The following ANO4 variants were observed in gnomAD, a reference collection of about 807,000 sequenced individuals.
The protein encoded by ANO4 is anoctamin-4.
ANO4 carries 69 observed loss-of-function variants against 141.9 expected under a neutral mutation model. That is an observed-to-expected ratio of 0.49 (90% CI 0.40 to 0.59). ANO4 has a LOEUF of 0.59. Among genes scored for constraint, ANO4 ranks in the 20% least tolerant of loss-of-function variants. ANO4 has a pLI of 0.00. For missense variants in ANO4, 894 were observed against 1,162.2 expected (o/e 0.77, Z 3.36); for synonymous variants, 350 against 394.3 (o/e 0.89, Z 1.33).
At chr12:101,014,768 AG>A (rs1315820697) in intron 8 of ANO4, among the ~76,000 whole-genome samples, 2 of 152,152 alleles carry the variant, frequency 1.3e-5, no homozygotes, top group Non-Finnish European at 2.9e-5. Flanking sequence ...ACCGAATTTC[AG>A]GGGGAATGTG....
At chr12:101,014,771 G>C (rs956033665) in intron 8 of ANO4, among the ~76,000 whole-genome samples, 3 of 152,108 alleles carry the variant, frequency 2.0e-5, no homozygotes, top group African/African-American at 7.2e-5. Flanking sequence ...GAATTTCAGG[G>C]GGAATGTGAG....
intron 7 of ANO4, among the ~76,000 whole-genome samples, chr12:100,980,846 A>C (rs1010099447): frequency 2.0e-5 from 3 of 151,960 alleles, no homozygotes; most frequent in Non-Finnish European, 4.4e-5. Context: ...GCCATTATAA[A>C]TTGCCTATCC....
intron 1 of ANO4, among the ~76,000 whole-genome samples, chr12:100,725,771 C>T (rs886164446): frequency 1.2e-4 from 18 of 152,152 alleles, no homozygotes; most frequent in African/African-American, 3.6e-4. Context: ...CAGAGTGAAA[C>T]GGATGACATG....
At chr12:100,914,926 C>T (rs987187235) in intron 2 of ANO4, among the ~76,000 whole-genome samples, 6 of 152,118 alleles carry the variant, frequency 3.9e-5, no homozygotes, top group Admixed American at 1.3e-4. Flanking sequence ...GTGATCCTTC[C>T]GCTTTAGTCT....
At chr12:100,822,510 G>T (rs931580910) in intron 1 of ANO4, among the ~76,000 whole-genome samples, 2 of 152,010 alleles carry the variant, frequency 1.3e-5, no homozygotes, top group Middle Eastern at 3.2e-3. Context: ...TGGTGGAAGA[G>T]AGAAAGCTGT....
chr12:101,067,684 C>G (rs1189041957), intron 14 of ANO4, among the ~76,000 whole-genome samples: 1 of 151,820 alleles, frequency 6.6e-6, no homozygotes, highest in Non-Finnish European at 1.5e-5. Flanking sequence ...CTCTGTCTCC[C>G]AAAAACAAAA....
intron 15 of ANO4, among the ~76,000 whole-genome samples, chr12:101,081,022 A>AGTAT (rs2049254518): frequency 7.1e-6 from 1 of 141,244 alleles, no homozygotes; most frequent in Admixed American, 7.2e-5. Flanking sequence ...TATGTATGTG[A>AGTAT]GTGTGTGTAT....
In ANO4 at chr12:100,738,282, G is replaced by A. The variant is rs567732726; in HGVS notation, c.107-1572G>A. Among the ~76,000 whole-genome samples, 105 of 152,244 alleles carry A rather than the reference G, an allele frequency of 6.9e-4. 1 individual carries two copies. The highest frequency in any genetic ancestry group is 2.4e-3 in the African/African-American group (101 of 41,548). On this transcript the variant is annotated intron_variant, in intron 2 of 29. Coordinates refer to the ANO4 transcript ENST00000644049. ...ATGTGACATTTCTATTCTTTGCCCC[G>A]TGGGTATCAGCTGTTCTCTTGGATG...
At chr12:100,999,729 A>C (rs1223761488) in intron 8 of ANO4, among the ~76,000 whole-genome samples, 2 of 152,064 alleles carry the variant, frequency 1.3e-5, no homozygotes, top group Non-Finnish European at 2.9e-5. Flanking sequence ...GGATTTGGGG[A>C]CATTAAATGA....
chr12:101,117,605 G>A (rs1318876789), intron 25 of ANO4, among the ~76,000 whole-genome samples: 2 of 152,168 alleles, frequency 1.3e-5, no homozygotes, highest in Non-Finnish European at 2.9e-5. Context: ...AGCACTTGAG[G>A]AGGCCAAGTT....
At chr12:101,045,728 A>C (rs1182781641) in intron 13 of ANO4, among the ~76,000 whole-genome samples, 1 of 152,176 alleles carries the variant, frequency 6.6e-6, no homozygotes, top group African/African-American at 2.4e-5. Context: ...CTGTGGGATC[A>C]TGAGGGCCTC....
intron 3 of ANO4, among the ~76,000 whole-genome samples, chr12:100,932,924 T>C (rs1035764467): frequency 2.0e-5 from 3 of 152,158 alleles, no homozygotes; most frequent in Non-Finnish European, 4.4e-5. Flanking sequence ...GCTGAGCTTC[T>C]AATCTTTGCA....
intron 1 of ANO4, among the ~76,000 whole-genome samples, chr12:100,889,129 T>C (rs1240393623): frequency 6.7e-6 from 1 of 149,026 alleles, no homozygotes; most frequent in African/African-American, 2.5e-5. Flanking sequence ...GAACATGTGG[T>C]GTTTGGTTTT....
At chr12:100,785,242 C>T (rs1375923847) in intron 3 of ANO4, among the ~76,000 whole-genome samples, 2 of 152,166 alleles carry the variant, frequency 1.3e-5, no homozygotes, top group African/African-American at 4.8e-5. Flanking sequence ...TACATGGACA[C>T]ATTATTATCA....
chr12:100,734,258 C>A (rs2031513930), intron 2 of ANO4, among the ~76,000 whole-genome samples: 1 of 152,196 alleles, frequency 6.6e-6, no homozygotes, highest in African/African-American at 2.4e-5. Context: ...CTACTCTTTG[C>A]TGTTTGGAGA....
intron 17 of ANO4, among the ~76,000 whole-genome samples, chr12:101,090,984 C>G (rs866143253): frequency 8.5e-5 from 13 of 152,262 alleles, no homozygotes; most frequent in Non-Finnish European, 1.0e-4. Context: ...TTACAAAGCA[C>G]CTGCTATATG....
intron 8 of ANO4, among the ~76,000 whole-genome samples, chr12:101,017,136 G>A (rs1395253595): frequency 6.6e-6 from 1 of 152,194 alleles, no homozygotes; most frequent in African/African-American, 2.4e-5. Context: ...ATAAAGGAAA[G>A]GAGGTTTAAT....
intron 8 of ANO4, among the ~76,000 whole-genome samples, chr12:100,996,849 C>CA (rs1406993787): frequency 6.6e-6 from 1 of 152,176 alleles, no homozygotes; most frequent in African/African-American, 2.4e-5. Context: ...ATCAGCCAAT[C>CA]AAACAGTGGT....
chr12:100,771,440 C>T (rs2033295215), intron 3 of ANO4, among the ~76,000 whole-genome samples: 1 of 152,166 alleles, frequency 6.6e-6, no homozygotes, highest in African/African-American at 2.4e-5. Context: ...CTACTTACTG[C>T]AATAGTGTAA....
Sources: allele counts gnomAD v4.1 joint callset (sites outside exome capture counted in the v4.1 genomes callset), GRCh38; gene constraint gnomAD v4.1.1; transcripts MANE v1.5; gene names NCBI Gene and HGNC (gene_info 2026-07-23, HGNC 2026-07-21).